Variants in DCUN1D3 observed in about 807,000 individuals in gnomAD.
DCUN1D3 encodes the protein defective in cullin neddylation 1 domain containing 3.
DCUN1D3 carries 6 observed loss-of-function variants against 24.8 expected under a neutral mutation model. The observed-to-expected ratio is 0.24, with a 90% confidence interval of 0.13 to 0.48. The LOEUF is 0.48. DCUN1D3 is among the 20% of genes least tolerant of loss of function. The pLI is 0.99. For missense variants in DCUN1D3, 258 were observed against 379.4 expected (o/e 0.68, Z 2.66); for synonymous variants, 120 against 144.9 (o/e 0.83, Z 1.24).
At chr16:20,879,788 G>T (rs1330713132) in intron 1 of DCUN1D3, among the ~76,000 whole-genome samples, 1 of 152,170 alleles carries the variant, frequency 6.6e-6, no homozygotes, top group Non-Finnish European at 1.5e-5. Flanking sequence ...ACTTCTGCCA[G>T]GCAGCCAAGA....
At chr16:20,865,456 C>G (rs1476896260) in intron 1 of DCUN1D3, among the ~76,000 whole-genome samples, 1 of 152,162 alleles carries the variant, frequency 6.6e-6, no homozygotes, top group Non-Finnish European at 1.5e-5. Flanking sequence ...CTACTTAGGA[C>G]TCTTATTCCT....
intron 1 of DCUN1D3, among the ~76,000 whole-genome samples, chr16:20,882,015 C>G (rs1307212555): frequency 6.6e-6 from 1 of 152,038 alleles, no homozygotes; most frequent in East Asian, 1.9e-4. Flanking sequence ...GTTGGTCAGG[C>G]TGGTCTCAAA....
chr16:20,870,485 G>A (rs1182696137), intron 1 of DCUN1D3, among the ~76,000 whole-genome samples: 1 of 152,106 alleles, frequency 6.6e-6, no homozygotes, highest in Non-Finnish European at 1.5e-5. Flanking sequence ...CAGCTCGCTG[G>A]GTCAGGAAGC....
intron 2 of DCUN1D3, 83 bp downstream of exon 2, chr16:20,862,024 TC>T: frequency 6.8e-7 from 1 of 1,470,932 alleles, no homozygotes; most frequent in Non-Finnish European, 9.3e-7. Context: ...GCCAACCCAG[TC>T]CTATCCTAGC....
Position 20,855,679 on chromosome 16 carries a change from G to A in DCUN1D3, c.*4207C>T, listed in dbSNP as rs2081699183. Reference sequence around the variant, plus strand: ...AACCCCTGCCGATCCTCACCAACATGCAGTCCCAGTCCAGTTTAAACTGGA... The same window carrying A: ...AACCCCTGCCGATCCTCACCAACATACAGTCCCAGTCCAGTTTAAACTGGA... On this transcript the variant is annotated 3_prime_UTR_variant, in exon 3 of 3. Transcript: ENST00000324344. The A allele has an allele frequency of 6.6e-6, 1 of 152,200 alleles. No individual in the cohort carries two copies. Among genetic ancestry groups the A allele is most frequent in the Non-Finnish European group, 1.5e-5 (1 of 68,052 alleles). 9.4% of individuals were successfully genotyped at this position (152,200 alleles called of 1,614,324 possible).
chr16:20,863,236 G>GTGAAA (rs1272512916), intron 1 of DCUN1D3, among the ~76,000 whole-genome samples: 1 of 152,202 alleles, frequency 6.6e-6, no homozygotes. Flanking sequence ...CACACAGTAG[G>GTGAAA]TGAAATGCCC....
At chr16:20,873,941 G>A (rs572833050) in intron 1 of DCUN1D3, among the ~76,000 whole-genome samples, 19 of 152,214 alleles carry the variant, frequency 1.2e-4, no homozygotes, top group Non-Finnish European at 2.4e-4. Context: ...AAAGCAGTAT[G>A]AAGAGACAAA....
intron 1 of DCUN1D3, chr16:20,869,028 C>T (rs1164613771): frequency 1.3e-5 from 2 of 152,904 alleles, no homozygotes; most frequent in African/African-American, 2.4e-5. Flanking sequence ...CAGACTCTTT[C>T]CTCCCCTGTG....
chr16:20,892,146 C>T (rs1458029124), intron 1 of DCUN1D3, among the ~76,000 whole-genome samples: 1 of 152,184 alleles, frequency 6.6e-6, no homozygotes, highest in Non-Finnish European at 1.5e-5. Context: ...GAATGCTCCT[C>T]ACCGTGGGCA....
At chr16:20,878,515 T>C (rs2081827334) in intron 1 of DCUN1D3, among the ~76,000 whole-genome samples, 1 of 152,212 alleles carries the variant, frequency 6.6e-6, no homozygotes, top group Non-Finnish European at 1.5e-5. Flanking sequence ...GCTCACCAAC[T>C]GGGAACACTC....
intron 1 of DCUN1D3, among the ~76,000 whole-genome samples, chr16:20,892,835 C>T (rs2081898269): frequency 1.3e-5 from 2 of 152,208 alleles, no homozygotes; most frequent in South Asian, 4.1e-4. Flanking sequence ...CAGAACTATT[C>T]TGAAGAAAAA....
intron 1 of DCUN1D3, among the ~76,000 whole-genome samples, chr16:20,862,979 A>G (rs574302431): frequency 6.6e-6 from 1 of 152,334 alleles, no homozygotes; most frequent in East Asian, 1.9e-4. Flanking sequence ...ATCACATAAG[A>G]AAAGTTATTT....
intron 1 of DCUN1D3, among the ~76,000 whole-genome samples, chr16:20,865,319 C>T (rs1206360439): frequency 2.6e-5 from 4 of 152,094 alleles, no homozygotes; most frequent in Admixed American, 6.5e-5. Context: ...GAAAAGTTTG[C>T]ACTGATACAT....
chr16:20,877,969 T>G (rs1024045690), intron 1 of DCUN1D3, among the ~76,000 whole-genome samples: 1 of 152,198 alleles, frequency 6.6e-6, no homozygotes, highest in African/African-American at 2.4e-5. Context: ...GCTACTTTTT[T>G]CATTTTTATT....
At position 20,859,931 on chromosome 16, in the gene DCUN1D3, T is replaced by C. The variant is rs766108886; in HGVS notation, c.870A>G (p.Ala290=). The C allele has an allele frequency of 1.6e-5, 26 of 1,613,952 alleles. No homozygotes were observed. The highest frequency in any genetic ancestry group is 2.1e-5 in the Non-Finnish European group (25 of 1,179,976). The change falls in exon 3 of 3, where the codon GCA becomes GCG. Residue 290 remains alanine, a synonymous_variant. Transcript: ENST00000324344. ...ACAAGCCCTCAGGCCCTGAGCTGAG[T>C]GCACCTCTCCCTTCCCCTTCTCTTT... ...RRKREGEGRG[A]LSSGPEGLCP... is the part of the protein sequence containing the mutation.
chr16:20,886,698 T>G (rs2081869455), intron 1 of DCUN1D3, among the ~76,000 whole-genome samples: 1 of 152,248 alleles, frequency 6.6e-6, no homozygotes, highest in Non-Finnish European at 1.5e-5. Flanking sequence ...CAGTTATTTC[T>G]CTATTGTTCT....
chr16:20,894,285 A>G (rs1347903268), intron 1 of DCUN1D3, among the ~76,000 whole-genome samples: 1 of 152,114 alleles, frequency 6.6e-6, no homozygotes, highest in Non-Finnish European at 1.5e-5. Context: ...CAAAAAATAA[A>G]TGAATACATA....
chr16:20,863,216 G>C (rs2081742682), intron 1 of DCUN1D3, among the ~76,000 whole-genome samples: 2 of 152,162 alleles, frequency 1.3e-5, no homozygotes, highest in Admixed American at 1.3e-4. Context: ...ATTCCTTTCT[G>C]GGCCTATCCC....
At position 20,857,939 on chromosome 16, in the gene DCUN1D3, T is replaced by A; in HGVS notation, c.*1947A>T. 6.6e-6 allele frequency: 1 copy of A among 152,576 alleles called. No homozygotes were observed. The highest frequency in any genetic ancestry group is 1.9e-4 in the East Asian group (1 of 5,200). The allele number at this position is 152,576 out of a possible 1,614,324, so 9.5% of individuals were successfully genotyped here. On this transcript the variant is annotated 3_prime_UTR_variant, in exon 3 of 3. Coordinates refer to ENST00000324344, the MANE Select transcript of DCUN1D3 (RefSeq NM_173475.4). ...AGATGGGAGCCCAGAGCTGTAAGGC[T>A]GCTCACAATGGAACTCAAAACATGC...
Sources: allele counts gnomAD v4.1 joint callset (sites outside exome capture counted in the v4.1 genomes callset), GRCh38; gene constraint gnomAD v4.1.1; transcripts MANE v1.5; gene names NCBI Gene and HGNC (gene_info 2026-07-23, HGNC 2026-07-21).